Variants in TSHZ2 observed in about 807,000 individuals in gnomAD.
TSHZ2 encodes teashirt homolog 2.
TSHZ2 carries 21 observed loss-of-function variants against 74.4 expected under a neutral mutation model. That is an observed-to-expected ratio of 0.28 (90% CI 0.20 to 0.41). The LOEUF (loss-of-function observed/expected upper bound fraction) is 0.41, where lower values mean the gene tolerates loss of function less well. TSHZ2 is among the 10% of genes least tolerant of loss of function. The pLI is 1.00. For synonymous variants in TSHZ2, 540 were observed against 515.3 expected, an observed-to-expected ratio of 1.05 and a Z score of -0.65; for missense variants, 1,244 against 1,293.5, an observed-to-expected ratio of 0.96 and a Z score of 0.59.
At chr20:53,034,292 G>A (rs1490338918) in intron 1 of TSHZ2, among the ~76,000 whole-genome samples, 1 of 152,098 alleles carries the variant, frequency 6.6e-6, no homozygotes, top group African/African-American at 2.4e-5. Flanking sequence ...CAAGTTATTT[G>A]TAATAACAGC....
At chr20:53,165,591 T>G (rs1196670532) in intron 1 of TSHZ2, among the ~76,000 whole-genome samples, 1 of 152,258 alleles carries the variant, frequency 6.6e-6, no homozygotes. Flanking sequence ...GTCAGTGCTA[T>G]ACTAATGTGG....
Position 53,385,684 on chromosome 20 carries a change from G to A in TSHZ2, c.*9-101460G>A, listed in dbSNP as rs747609509. Among the ~76,000 whole-genome samples, 9 of 152,272 alleles carry A rather than the reference G, an allele frequency of 5.9e-5. No individual in the cohort carries two copies. The South Asian group carries it at 1.0e-3, about 18-fold the overall frequency. ...GGGTTCCCAAGCCAAGCTCTACCCC[G>A]TTAGGCAGTACTTGGTCCACGGGGA... On this transcript the variant is annotated intron_variant, in intron 2 of 2. Coordinates refer to ENST00000371497, the MANE Select transcript of TSHZ2 (RefSeq NM_173485.6).
chr20:53,123,633 G>A (rs1301274626), intron 1 of TSHZ2, among the ~76,000 whole-genome samples: 1 of 152,108 alleles, frequency 6.6e-6, no homozygotes, highest in Admixed American at 6.5e-5. Context: ...CATCCCAGTA[G>A]ACAACATGGC....
At chr20:53,014,523 G>A (rs763680510) in intron 1 of TSHZ2, among the ~76,000 whole-genome samples, 1 of 152,096 alleles carries the variant, frequency 6.6e-6, no homozygotes, top group Non-Finnish European at 1.5e-5. Context: ...GGTGACTGGA[G>A]GCACCTGGAT....
chr20:53,032,803 G>C (rs1983686749), intron 1 of TSHZ2, among the ~76,000 whole-genome samples: 1 of 151,800 alleles, frequency 6.6e-6, no homozygotes, highest in African/African-American at 2.4e-5. Flanking sequence ...GTCATTCAGA[G>C]CATGAGTGTG....
chr20:53,250,623 G>A (rs569015515), intron 1 of TSHZ2, among the ~76,000 whole-genome samples: 7 of 152,228 alleles, frequency 4.6e-5, no homozygotes, highest in South Asian at 4.2e-4. Context: ...CTCTGCAGAG[G>A]AAAACAGACA....
rs137995828 is a variant in TSHZ2, at chr20:52,972,418, CGAGGGTGTGTGTGTGT to C, written c.-874_-859del. ...CCTCGCCCTGTCTTGTGTGTGTGTG[CGAGGGTGTGTGTGTGT>C]GTTTGTGTGTGTGTGCATATGTGGG... On this transcript the variant is annotated 5_prime_UTR_variant, in exon 1 of 3. It introduces an in-frame stop codon into an upstream open reading frame of the 5' UTR. Coordinates refer to ENST00000371497, the MANE Select transcript of TSHZ2 (RefSeq NM_173485.6). 0.028 allele frequency: 4,251 copies of C among 150,278 alleles called. 97 individuals are homozygous for C. Among genetic ancestry groups the C allele is most frequent in the East Asian group, 0.05 (249 of 5,026 alleles). 9.3% of individuals were successfully genotyped at this position (150,278 alleles called of 1,614,324 possible). A position where few individuals can be genotyped will look rare whatever the true frequency, so the allele number is the denominator to read the frequency against.
intron 2 of TSHZ2, among the ~76,000 whole-genome samples, chr20:53,281,473 A>G (rs1212264365): frequency 2.6e-5 from 4 of 152,224 alleles, no homozygotes; most frequent in Admixed American, 6.5e-5. Flanking sequence ...CAACTCTGCC[A>G]TTGTATCACA....
rs970784397 is a variant in TSHZ2, at chr20:53,492,482, T to C, written c.*5347T>C. On this transcript the variant is annotated 3_prime_UTR_variant, in exon 3 of 3. Transcript: ENST00000371497. ...TCAAAAAAGCTGACATACAAAACAA[T>C]TCCCATTTGGCTCAGGGTTCCTAAA... 1 of 152,208 alleles carries C rather than the reference T, an allele frequency of 6.6e-6. No individual in the cohort carries two copies. Among genetic ancestry groups the C allele is most frequent in the Non-Finnish European group, 1.5e-5 (1 of 68,024 alleles). 9.4% of individuals were successfully genotyped at this position (152,208 alleles called of 1,614,324 possible).
intron 1 of TSHZ2, among the ~76,000 whole-genome samples, chr20:53,111,881 A>G (rs996173617): frequency 1.3e-5 from 2 of 150,494 alleles, no homozygotes; most frequent in South Asian, 2.2e-4. Context: ...AGAGCTTACA[A>G]TCCTTGGGGG....
intron 1 of TSHZ2, among the ~76,000 whole-genome samples, chr20:53,216,871 C>G (rs1989447184): frequency 6.6e-6 from 1 of 152,202 alleles, no homozygotes; most frequent in Non-Finnish European, 1.5e-5. Flanking sequence ...TGCGGGAACT[C>G]TCCCTGCAGC....
At chr20:53,471,554 G>A (rs1478495465) in intron 2 of TSHZ2, among the ~76,000 whole-genome samples, 1 of 152,172 alleles carries the variant, frequency 6.6e-6, no homozygotes, top group South Asian at 2.1e-4. Context: ...GGTAAGAAAA[G>A]ACTTATTTGA....
chr20:53,292,642 G>T (rs1600793828), intron 2 of TSHZ2, among the ~76,000 whole-genome samples: 1 of 151,810 alleles, frequency 6.6e-6, no homozygotes, highest in East Asian at 1.9e-4. Context: ...TAGAGATGGG[G>T]TCTCACTATG....
At position 52,974,781 on chromosome 20, in the gene TSHZ2, C is replaced by T. The variant is rs116133625; in HGVS notation, c.40+1448C>T. Reference sequence around the variant, plus strand: ...TCGCCTGAGTGTTTCAAAATATCCACAATTATCATTCCTTCTGAGCACAGA... The same window carrying T: ...TCGCCTGAGTGTTTCAAAATATCCATAATTATCATTCCTTCTGAGCACAGA... On this transcript the variant is annotated intron_variant, in intron 1 of 2. Transcript: ENST00000371497. Among the ~76,000 whole-genome samples, 8 of 152,218 alleles carry T rather than the reference C, an allele frequency of 5.3e-5. No individual in the cohort carries two copies. The East Asian group carries it at 1.5e-3, about 29-fold the overall frequency.
At chr20:53,352,784 AAAAAAAAAAAG>A (rs1436844908) in intron 2 of TSHZ2, among the ~76,000 whole-genome samples, 44 of 139,528 alleles carry the variant, frequency 3.2e-4, no homozygotes, top group African/African-American at 9.3e-4. Flanking sequence ...AAACAAAAAA[AAAAAAAAAAAG>A]AAAGAAATAA....
At chr20:53,367,087 TG>T (rs1981289329) in intron 2 of TSHZ2, among the ~76,000 whole-genome samples, 1 of 152,168 alleles carries the variant, frequency 6.6e-6, no homozygotes. Context: ...TTCAGAATTT[TG>T]CTAACTCTGC....
intron 2 of TSHZ2, among the ~76,000 whole-genome samples, chr20:53,356,037 G>A (rs745717547): frequency 6.6e-6 from 1 of 152,132 alleles, no homozygotes; most frequent in Non-Finnish European, 1.5e-5. Flanking sequence ...AAATTGGAGA[G>A]GCAGATAGCA....
intron 1 of TSHZ2, among the ~76,000 whole-genome samples, chr20:53,082,559 G>A (rs1202162554): frequency 6.6e-6 from 1 of 152,200 alleles, no homozygotes; most frequent in African/African-American, 2.4e-5. Context: ...TTAAGCCAAA[G>A]TACATTATTT....
At chr20:53,225,435 G>A (rs1020549086) in intron 1 of TSHZ2, among the ~76,000 whole-genome samples, 1 of 152,252 alleles carries the variant, frequency 6.6e-6, no homozygotes, top group South Asian at 2.1e-4. Context: ...TTAACGGAGA[G>A]AGCTGGATTC....
Sources: allele counts gnomAD v4.1 joint callset (sites outside exome capture counted in the v4.1 genomes callset), GRCh38; gene constraint gnomAD v4.1.1; transcripts MANE v1.5; gene names NCBI Gene and HGNC (gene_info 2026-07-23, HGNC 2026-07-21).